MYOM1: variants seen among roughly 807,000 people sequenced by gnomAD.
MYOM1 encodes the protein myomesin-1.
A neutral mutation model predicts 205.3 loss-of-function variants in MYOM1; 164 were observed. The ratio of observed to expected loss-of-function variants is 0.80; its 90% CI spans 0.70 to 0.91. MYOM1 has a LOEUF of 0.91. MYOM1 is among the 40% of genes least tolerant of loss of function. MYOM1 has a pLI of 0.00. For synonymous variants in MYOM1, 772 were observed against 789.4 expected (o/e 0.98, Z 0.37); for missense variants, 2,011 against 2,127.3 (o/e 0.95, Z 1.08).
chr18:3,197,842 T>C (rs7504749), intron 2 of MYOM1, among the ~76,000 whole-genome samples: 79,513 of 151,764 alleles, frequency 0.52, 22,935 homozygotes, highest in African/African-American at 0.78. Flanking sequence ...CACTGCACTC[T>C]GGCCTGGGTG....
rs760134328 is a variant in MYOM1 at position 3,151,714 on chromosome 18, G to C, written c.1823C>G (p.Ala608Gly). The C allele has an allele frequency of 4.3e-6, 7 of 1,613,570 alleles. No homozygotes were observed. The highest frequency in any genetic ancestry group is 5.9e-6 in the Non-Finnish European group (7 of 1,179,604). The stretch of plus-strand genomic sequence containing the variant: ...CTTACTTTTAAGTCTAGCTTTCTCA[G>C]CCGGATCCAGAGCAGCCACGGGCTC... Reference protein sequence around the residue: ...VSEPVAALDPAEKARLKSRPS... With the variant: ...VSEPVAALDPGEKARLKSRPS... Residue 608 changes from alanine to glycine, a missense_variant, in exon 12 of 38, where the codon GCT (alanine) becomes GGT (glycine). By Grantham distance (60) the Ala-to-Gly change is moderately conservative (BLOSUM62 0). Transcript: ENST00000356443.
chr18:3,088,202 A>G (rs1014471342), intron 29 of MYOM1, among the ~76,000 whole-genome samples: 12 of 152,200 alleles, frequency 7.9e-5, no homozygotes, highest in Non-Finnish European at 1.5e-5. Flanking sequence ...AGAGGGAAAC[A>G]GCAAGCGCAG....
Position 3,140,339 on chromosome 18 carries a change from G to C in MYOM1, c.2025+1600C>G, listed in dbSNP as rs867861006. ...GGAGAATTGCTTAAACCAGGGAGGC[G>C]GAGGTTGCAGTGAGCTGAGATTGTG... On this transcript the variant is annotated intron_variant, in intron 14 of 37. Coordinates refer to ENST00000356443, the MANE Select transcript of MYOM1 (RefSeq NM_003803.4). Among the ~76,000 whole-genome samples, 2 of 152,078 alleles carry C rather than the reference G, an allele frequency of 1.3e-5. 1 individual carries two copies. Among genetic ancestry groups the C allele is most frequent in the South Asian group, 4.2e-4 (2 of 4,816 alleles).
At chr18:3,085,944 G>T (rs1194117933) in intron 30 of MYOM1, 94 bp downstream of exon 30, 4 of 718,026 alleles carry the variant, frequency 5.6e-6, no homozygotes, top group Non-Finnish European at 9.2e-6. Flanking sequence ...TAAATCCCCT[G>T]GTCATGAAAG....
rs752587435 is a variant in MYOM1, at chr18:3,215,159, A to AGGTCCTTGTTG, written c.64_65insCAACAAGGACC (p.Val22AlafsTer9). The AGGTCCTTGTTG allele has an allele frequency of 2.5e-6, 4 of 1,613,776 alleles. No individual in the cohort carries two copies. In the Admixed American group the frequency reaches 5.0e-5, roughly 20 times the overall value. On this transcript the variant is annotated frameshift_variant, in exon 2 of 38. Coordinates refer to ENST00000356443, the MANE Select transcript of MYOM1 (RefSeq NM_003803.4). LOFTEE classifies it high-confidence loss of function. Reference sequence around the variant, plus strand: ...CTGGTAGTGACTCACGGTGCTGCGCACGTCCTTGTTGCGGTAGCTGAGATC... The same window carrying AGGTCCTTGTTG: ...CTGGTAGTGACTCACGGTGCTGCGCAGGTCCTTGTTGCGTCCTTGTTGCGGTAGCTGAGATC...
At chr18:3,185,657 T>C (rs908344515) in intron 5 of MYOM1, among the ~76,000 whole-genome samples, 1 of 152,222 alleles carries the variant, frequency 6.6e-6, no homozygotes, top group African/African-American at 2.4e-5. Context: ...GCTAACTTAC[T>C]TTTCCATTTT....
chr18:3,203,820 T>C (rs1295432822), intron 2 of MYOM1, among the ~76,000 whole-genome samples: 1 of 151,680 alleles, frequency 6.6e-6, no homozygotes, highest in East Asian at 1.9e-4. Context: ...ACAAAGACGT[T>C]ATAATAAAAG....
intron 2 of MYOM1, among the ~76,000 whole-genome samples, chr18:3,206,152 G>A (rs1188736695): frequency 6.6e-6 from 1 of 152,150 alleles, no homozygotes; most frequent in Non-Finnish European, 1.5e-5. Context: ...TCAAAGATGG[G>A]TAGGACATCC....
chr18:3,168,464 T>A (rs1470935052), intron 9 of MYOM1, among the ~76,000 whole-genome samples: 7 of 152,288 alleles, frequency 4.6e-5, no homozygotes, highest in Admixed American at 2.0e-4. Flanking sequence ...AATTTTCGTA[T>A]TTTTAGTAGA....
chr18:3,134,956 T>TTTC, intron 15 of MYOM1, 132 bp from the exon 16 acceptor site: 1 of 586,718 alleles, frequency 1.7e-6, no homozygotes, highest in East Asian at 3.5e-5. Context: ...TATTTTACGA[T>TTTC]TTTTTTTTTT....
chr18:3,134,905 G>T, intron 15 of MYOM1, 81 bp from the exon 16 acceptor site: 1 of 1,380,718 alleles, frequency 7.2e-7, no homozygotes, highest in Non-Finnish European at 1.0e-6. Context: ...CACACACCTA[G>T]GTATTTTACA....
chr18:3,122,027 G>A (rs1044832299), intron 19 of MYOM1, among the ~76,000 whole-genome samples: 3 of 152,152 alleles, frequency 2.0e-5, no homozygotes, highest in Non-Finnish European at 4.4e-5. Flanking sequence ...GCTGAGGCAC[G>A]GGAATTGTTT....
At chr18:3,084,944 A>C in intron 31 of MYOM1, 101 bp downstream of exon 31, 1 of 941,750 alleles carries the variant, frequency 1.1e-6, no homozygotes, top group Non-Finnish European at 1.6e-6. Context: ...GTGGACAAAA[A>C]AAATCAGCAT....
At chr18:3,134,620 T>C (rs753357569) in intron 16 of MYOM1, 30 bp downstream of exon 16, 44 of 1,580,962 alleles carry the variant, frequency 2.8e-5, no homozygotes, top group Non-Finnish European at 3.0e-5. Flanking sequence ...CCAGAGGCCA[T>C]TGCCCGCCCT....
At chr18:3,245,809 C>T in the MYOM1 span, 10 of 152,224 alleles carry the variant, frequency 6.6e-5, no homozygotes, top group African/African-American at 2.4e-4. Context: ...ACACCTTCCA[C>T]TAGTTCCCAG....
intron 1 of MYOM1, among the ~76,000 whole-genome samples, chr18:3,215,551 T>G (rs2081254813): frequency 6.6e-6 from 1 of 152,004 alleles, no homozygotes; most frequent in Non-Finnish European, 1.5e-5. Flanking sequence ...TGCAGGGAGC[T>G]ATGATTGACC....
intron 27 of MYOM1, among the ~76,000 whole-genome samples, chr18:3,089,933 T>C (rs907173715): frequency 3.3e-5 from 5 of 152,228 alleles, no homozygotes; most frequent in African/African-American, 1.2e-4. Context: ...GTATGATTAG[T>C]AGATTCGGCA....
At chr18:3,120,582 T>C (rs1598692799) in intron 19 of MYOM1, among the ~76,000 whole-genome samples, 2 of 152,280 alleles carry the variant, frequency 1.3e-5, no homozygotes, top group Non-Finnish European at 2.9e-5. Context: ...TGTGAGATCC[T>C]GAACAGACGA....
intron 11 of MYOM1, 24 bp downstream of exon 11, chr18:3,154,923 A>C: frequency 6.2e-7 from 1 of 1,603,210 alleles, no homozygotes; most frequent in Non-Finnish European, 8.5e-7. Flanking sequence ...AATAACTGTA[A>C]TTGATGTTAG....
Sources: gnomAD v4.1 joint callset for allele counts (sites outside exome capture counted in the v4.1 genomes callset) on GRCh38, gnomAD v4.1.1 for gene constraint, MANE v1.5 for transcripts, NCBI Gene and HGNC (gene_info 2026-07-23, HGNC 2026-07-21) for gene names.